RP1L1: variants seen among roughly 807,000 people sequenced by gnomAD.
RP1L1 encodes the protein retinitis pigmentosa 1-like 1 protein.
Under a neutral mutation model 15.7 loss-of-function variants are expected in RP1L1, and 27 were observed. The ratio of observed to expected loss-of-function variants is 1.72; its 90% CI spans 1.27 to 2.38. RP1L1 has a LOEUF of 2.38. RP1L1 is among the 30% of genes most tolerant of loss of function. The pLI, the probability that RP1L1 is intolerant of heterozygous loss-of-function variation, is 0.00. For missense variants in RP1L1, 4,798 were observed against 3,075.9 expected, an observed-to-expected ratio of 1.56 and a Z score of -13.24; for synonymous variants, 1,813 against 1,276.7, an observed-to-expected ratio of 1.42 and a Z score of -8.96.
At chr8:10,640,772 T>C (rs1440529716) in intron 1 of RP1L1, among the ~76,000 whole-genome samples, 1 of 152,128 alleles carries the variant, frequency 6.6e-6, no homozygotes, top group African/African-American at 2.4e-5. Context: ...TTGTGCTATA[T>C]ATTTTTTTGA....
intron 1 of RP1L1, among the ~76,000 whole-genome samples, chr8:10,630,624 C>T (rs1307808565): frequency 6.6e-6 from 1 of 152,228 alleles, no homozygotes; most frequent in Non-Finnish European, 1.5e-5. Flanking sequence ...CGGCAGGCAG[C>T]CTCCTGCCTG....
rs1798452084 is a variant in RP1L1, at chr8:10,644,728, C to T, written c.-20+10170G>A. On this transcript the variant is annotated intron_variant, in intron 1 of 3. Coordinates refer to ENST00000382483, the MANE Select transcript of RP1L1 (RefSeq NM_178857.6). ...GAGCCCTGAAGCCACACCCACAGCTCTCACACCAGCCACCCCAGGAACGCA... is the reference window on the plus strand; with the variant it reads ...GAGCCCTGAAGCCACACCCACAGCTTTCACACCAGCCACCCCAGGAACGCA... 2.6e-5 allele frequency among the ~76,000 whole-genome samples: 4 copies of T among 152,210 alleles called. No homozygotes were observed. In the South Asian group the frequency reaches 8.3e-4, roughly 32 times the overall value.
chr8:10,620,691 T>C (rs1271259493), intron 2 of RP1L1, among the ~76,000 whole-genome samples: 1 of 152,158 alleles, frequency 6.6e-6, no homozygotes, highest in Non-Finnish European at 1.5e-5. Flanking sequence ...CTCATGACAA[T>C]GAGCCAATAG....
Position 10,607,747 on chromosome 8 carries a change from C to G in RP1L1, c.6351G>C (p.Glu2117Asp), listed in dbSNP as rs368808776. ...GGGCCTCCCCTTCAGTCTCTGGGGCCTCTATACCTTCTGCCTTCTGGGCCT... is the reference window on the plus strand; with the variant it reads ...GGGCCTCCCCTTCAGTCTCTGGGGCGTCTATACCTTCTGCCTTCTGGGCCT... Reference protein sequence around the residue: ...EGEAQKAEGIEAPETEGEAQP... With the variant: ...EGEAQKAEGIDAPETEGEAQP... Residue 2117 changes from glutamate to aspartate, a missense_variant, in exon 4 of 4, where the codon GAG becomes GAC. Coordinates refer to ENST00000382483, the MANE Select transcript of RP1L1 (RefSeq NM_178857.6). 1.9e-6 allele frequency: 3 copies of G among 1,602,220 alleles called. No homozygotes were observed. The African/African-American group carries it at 4.3e-5, about 23-fold the overall frequency.
rs1286279797 is a variant in RP1L1 at position 10,610,887 on chromosome 8, T to C, written c.3211A>G (p.Ser1071Gly). The C allele has an allele frequency of 6.2e-7, 1 of 1,610,052 alleles. No homozygotes were observed. The highest frequency in any genetic ancestry group is 8.5e-7 in the Non-Finnish European group (1 of 1,178,440). ...DREAPAGCRV[S>G]LRALPGRVSA... ...ACCCGGCCAGGAAGTGCCCGCAGGC[T>C]CACCCTGCAGCCTGCTGGGGCCTCT... The change falls in exon 4 of 4, where the codon AGC (serine) becomes GGC (glycine). Residue 1071 changes from serine (S) to glycine (G), a missense_variant. Ser to Gly is a moderately conservative substitution (Grantham distance 56). Transcript: ENST00000382483.
At chr8:10,646,066 C>A (rs1005004422) in intron 1 of RP1L1, among the ~76,000 whole-genome samples, 1 of 152,208 alleles carries the variant, frequency 6.6e-6, no homozygotes, top group Non-Finnish European at 1.5e-5. Flanking sequence ...CCTGCACTTC[C>A]AAACTTAGAG....
chr8:10,625,810 C>T (rs1364275972), intron 1 of RP1L1, among the ~76,000 whole-genome samples: 1 of 152,042 alleles, frequency 6.6e-6, no homozygotes, highest in Non-Finnish European at 1.5e-5. Flanking sequence ...ACCGAGGGAT[C>T]CACCCCTGGG....
Position 10,608,626 on chromosome 8 carries a change from T to C in RP1L1, c.5472A>G (p.Gln1824=). The change falls in exon 4 of 4, where the codon CAA becomes CAG. Residue 1824 remains glutamine, a synonymous_variant. Transcript: ENST00000382483. ...LQGEAAAGGD[Q]DPGQSDGAEG... ...CGGCCCCATCACTCTGTCCTGGATC[T>C]TGGTCACCTCCTGCCGCAGCTTCAC... 6.2e-7 allele frequency: 1 copy of C among 1,614,192 alleles called. No individual in the cohort carries two copies. Among genetic ancestry groups the C allele is most frequent in the Non-Finnish European group, 8.5e-7 (1 of 1,180,028 alleles).
chr8:10,618,029 G>C (rs1797998860), intron 2 of RP1L1, among the ~76,000 whole-genome samples: 1 of 152,060 alleles, frequency 6.6e-6, no homozygotes, highest in Non-Finnish European at 1.5e-5. Context: ...AAGCATCCTT[G>C]CATTACGTTG....
rs532782487 is a variant in RP1L1, at chr8:10,644,575, GT to G, written c.-20+10322del. ...CAGGAACCAGTCCTTCCCCTCTCTA[GT>G]TTTGGCTAATTCATTCACCTCCCTG... On this transcript the variant is annotated intron_variant, in intron 1 of 3. Transcript: ENST00000382483. Among the ~76,000 whole-genome samples the G allele has an allele frequency of 1.4e-4, 22 of 152,352 alleles. No individual in the cohort carries two copies. In the South Asian group the frequency reaches 4.6e-3, roughly 32 times the overall value.
chr8:10,638,323 A>G (rs1798359216), intron 1 of RP1L1, among the ~76,000 whole-genome samples: 1 of 152,214 alleles, frequency 6.6e-6, no homozygotes, highest in Non-Finnish European at 1.5e-5. Context: ...ATAAAAGTAC[A>G]AACGGAAGCA....
chr8:10,631,396 C>T (rs556792649), intron 1 of RP1L1, among the ~76,000 whole-genome samples: 9,131 of 121,554 alleles, frequency 0.075, 535 homozygotes, highest in African/African-American at 0.16. Context: ...TGCACACACA[C>T]GCACACACAC....
At chr8:10,616,100 T>C in intron 3 of RP1L1, among the ~76,000 whole-genome samples, 1 of 151,992 alleles carries the variant, frequency 6.6e-6, no homozygotes, top group Admixed American at 6.6e-5. Context: ...TTAGAGACAG[T>C]GTCTCATTAT....
In RP1L1 at chr8:10,610,007, C is replaced by G. The variant is rs116752225; in HGVS notation, c.4091G>C (p.Gly1364Ala). Residue 1364 changes from glycine to alanine, a missense_variant, in exon 4 of 4, where the codon GGA becomes GCA. Gly to Ala is a moderately conservative substitution (Grantham distance 60). Transcript: ENST00000382483. ...AQLEEIEETGGEGLQEEGVQL... is the reference protein window; with the variant it reads ...AQLEEIEETGAEGLQEEGVQL... The stretch of plus-strand genomic sequence containing the variant: ...CACCCCCTCTTCTTGCAGCCCTTCT[C>G]CTCCTGTTTCTTCAATTTCCTCTAA... 2,407 of 1,572,950 alleles carry G rather than the reference C, an allele frequency of 1.5e-3. 34 individuals are homozygous for G. In the African/African-American group the frequency reaches 0.031, roughly 20 times the overall value.
chr8:10,625,913 G>T lies in RP1L1; in HGVS notation c.-19-2693C>A, dbSNP rs187386980. 1.5e-3 allele frequency among the ~76,000 whole-genome samples: 227 copies of T among 152,096 alleles called. 1 individual carries two copies. Among genetic ancestry groups the T allele is most frequent in the Non-Finnish European group, 2.6e-3 (178 of 67,980 alleles). ...TGCAGGTGGGGGGCAGGCAGCGAGG[G>T]CAGCATTGTGGGATGGAAAAGGAGG... On this transcript the variant is annotated intron_variant, in intron 1 of 3. Coordinates refer to ENST00000382483, the MANE Select transcript of RP1L1 (RefSeq NM_178857.6).
At chr8:10,628,282 G>C (rs1474495945) in intron 1 of RP1L1, among the ~76,000 whole-genome samples, 2 of 152,204 alleles carry the variant, frequency 1.3e-5, no homozygotes, top group African/African-American at 2.4e-5. Flanking sequence ...CAATCTGAGA[G>C]ACCTCTTGAG....
rs201669521 is a variant in RP1L1, at chr8:10,613,211, G to A, written c.887C>T (p.Thr296Met). The A allele has an allele frequency of 1.8e-4, 283 of 1,613,304 alleles. No individual in the cohort carries two copies. Among genetic ancestry groups the A allele is most frequent in the African/African-American group, 9.7e-4 (73 of 74,930 alleles). ...CACCAGCGGGCCCGACTGAGCTGGC[G>A]TGTCCTGAGGGTGCCTGCCAGGAGC... The part of the protein sequence containing the change: ...GPAPGRHPQD[T>M]PAQSGPLVAG... The change falls in exon 4 of 4, where the codon ACG (threonine) becomes ATG (methionine). Residue 296 changes from threonine to methionine, a missense_variant. Coordinates refer to ENST00000382483, the MANE Select transcript of RP1L1 (RefSeq NM_178857.6).
rs542254783 is a variant in RP1L1 at position 10,608,505 on chromosome 8, C to A, written c.5593G>T (p.Gly1865Trp). ...EAEGDAQEAE[G>W]EAQPESEDVE... ...TCTTCTGACTCTGGCTGGGCCTCCC[C>A]TTCAGCCTCCTGGGCATCCCCTTCT... The change falls in exon 4 of 4, where the codon GGG becomes TGG. Residue 1865 changes from glycine to tryptophan, a missense_variant. Transcript: ENST00000382483. 1.5e-6 allele frequency: 2 copies of A among 1,313,864 alleles called. No homozygotes were observed. Among genetic ancestry groups the A allele is most frequent in the East Asian group, 2.2e-5 (1 of 44,546 alleles). The allele number at this position is 1,313,864 out of a possible 1,614,324, so 81.4% of individuals were successfully genotyped here.
At chr8:10,628,587 G>A (rs1178842202) in intron 1 of RP1L1, among the ~76,000 whole-genome samples, 1 of 152,166 alleles carries the variant, frequency 6.6e-6, no homozygotes, top group African/African-American at 2.4e-5. Flanking sequence ...AGTGACAGTG[G>A]AGCTCTGGGC....
Sources: gnomAD v4.1 joint callset for allele counts (sites outside exome capture counted in the v4.1 genomes callset) on GRCh38, gnomAD v4.1.1 for gene constraint, MANE v1.5 for transcripts, NCBI Gene and HGNC (gene_info 2026-07-23, HGNC 2026-07-21) for gene names.